Variants in PTPRD observed in about 807,000 individuals in gnomAD.
The protein encoded by PTPRD is protein tyrosine phosphatase receptor type D.
In PTPRD, 34 loss-of-function variants were observed where a neutral mutation model predicts 214.5. That is an observed-to-expected ratio of 0.16 (90% CI 0.12 to 0.21). PTPRD has a LOEUF of 0.21. PTPRD is among the 10% of genes least tolerant of loss of function. The pLI, the probability that PTPRD is intolerant of heterozygous loss-of-function variation, is 1.00. For missense variants in PTPRD, 2,545 were observed against 2,398.7 expected (o/e 1.06, Z -1.27); for synonymous variants, 1,128 against 845.7 (o/e 1.33, Z -5.79).
At chr9:9,024,454 A>G (rs950450229) in intron 10 of PTPRD, among the ~76,000 whole-genome samples, 1 of 150,034 alleles carries the variant, frequency 6.7e-6, no homozygotes. Flanking sequence ...TGCTGGATGC[A>G]GTCAAGCTTG....
chr9:9,776,719 T>G (rs1368961475), intron 5 of PTPRD, among the ~76,000 whole-genome samples: 10 of 152,206 alleles, frequency 6.6e-5, no homozygotes. Context: ...AACTTTTCCT[T>G]TACTTTAAAA....
chr9:10,064,147 A>T (rs1430149858), intron 3 of PTPRD, among the ~76,000 whole-genome samples: 1 of 150,500 alleles, frequency 6.6e-6, no homozygotes, highest in Admixed American at 6.6e-5. Context: ...TTTCTGTCTT[A>T]TCTTTACCAG....
intron 9 of PTPRD, among the ~76,000 whole-genome samples, chr9:9,210,635 G>T (rs2099947914): frequency 6.6e-6 from 1 of 151,902 alleles, no homozygotes; most frequent in African/African-American, 2.4e-5. Context: ...TATTTTAATG[G>T]ACTTGGATTA....
chr9:10,252,982 A>T (rs2092923744), intron 3 of PTPRD, among the ~76,000 whole-genome samples: 1 of 152,000 alleles, frequency 6.6e-6, no homozygotes, highest in Non-Finnish European at 1.5e-5. Flanking sequence ...TGAGGTTTCA[A>T]CATATTGGCC....
intron 2 of PTPRD, among the ~76,000 whole-genome samples, chr9:10,458,021 G>A (rs1360939256): frequency 6.6e-6 from 1 of 151,838 alleles, no homozygotes; most frequent in Non-Finnish European, 1.5e-5. Flanking sequence ...TAGAAAGCCT[G>A]AACAGACCAA....
chr9:8,807,921 G>A (rs1325328145), intron 11 of PTPRD, among the ~76,000 whole-genome samples: 3 of 152,106 alleles, frequency 2.0e-5, no homozygotes, highest in Non-Finnish European at 1.5e-5. Context: ...TCCACTGAAT[G>A]CACTAATTCA....
At chr9:9,165,571 G>T (rs2099901546) in intron 10 of PTPRD, among the ~76,000 whole-genome samples, 1 of 152,164 alleles carries the variant, frequency 6.6e-6, no homozygotes, top group Admixed American at 6.5e-5. Flanking sequence ...CAGCTCTAAA[G>T]GGTCTGTACA....
intron 45 of PTPRD, 139 bp from the exon 46 acceptor site, chr9:8,318,081 C>A: frequency 1.3e-4 from 83 of 663,382 alleles, no homozygotes; most frequent in Middle Eastern, 8.8e-4. Context: ...TGGTCTAATC[C>A]AATGACCAAT....
At chr9:9,617,844 G>A (rs371920833) in intron 7 of PTPRD, among the ~76,000 whole-genome samples, 4 of 151,594 alleles carry the variant, frequency 2.6e-5, no homozygotes, top group Admixed American at 2.0e-4. Flanking sequence ...AGGCAGAGGC[G>A]GGCAGATCAC....
rs536022300 is a variant in PTPRD, at chr9:10,263,221, A to G, written c.-545+77742T>C. Among the ~76,000 whole-genome samples, 11 of 152,338 alleles carry G rather than the reference A, an allele frequency of 7.2e-5. No homozygotes were observed. In the South Asian group the frequency reaches 2.3e-3, roughly 32 times the overall value. ...TACCAGTAGAATAGGGTGTTGCTGT[A>G]AAGTTACCTGAAAATGTGGAACTGA... On this transcript the variant is annotated intron_variant, in intron 3 of 45. Coordinates refer to ENST00000381196, the MANE Select transcript of PTPRD (RefSeq NM_002839.4).
At chr9:8,480,393 G>A (rs1382985060) in intron 30 of PTPRD, among the ~76,000 whole-genome samples, 2 of 152,102 alleles carry the variant, frequency 1.3e-5, no homozygotes, top group African/African-American at 4.8e-5. Context: ...TAGGAGCCTC[G>A]TCTACAGCCT....
At chr9:10,125,198 T>C (rs1281074934) in intron 3 of PTPRD, among the ~76,000 whole-genome samples, 2 of 151,656 alleles carry the variant, frequency 1.3e-5, no homozygotes, top group African/African-American at 4.8e-5. Context: ...CAAGACAATA[T>C]AATCAATTAC....
chr9:10,025,058 CT>C (rs1363057869), intron 4 of PTPRD, among the ~76,000 whole-genome samples: 1 of 151,800 alleles, frequency 6.6e-6, no homozygotes, highest in African/African-American at 2.4e-5. Flanking sequence ...GGTTCCAAGT[CT>C]TTGCTATTGT....
intron 14 of PTPRD, among the ~76,000 whole-genome samples, chr9:8,542,784 G>C (rs190790332): frequency 1.3e-5 from 2 of 152,338 alleles, no homozygotes; most frequent in East Asian, 3.9e-4. Context: ...GGCAAGAAAT[G>C]TCTGCTTCAG....
At chr9:8,661,275 G>A (rs1302831025) in intron 12 of PTPRD, among the ~76,000 whole-genome samples, 1 of 151,992 alleles carries the variant, frequency 6.6e-6, no homozygotes, top group Non-Finnish European at 1.5e-5. Flanking sequence ...CTTCATCATG[G>A]TCAATACACA....
chr9:9,023,670 C>T (rs914456812), intron 10 of PTPRD, among the ~76,000 whole-genome samples: 4 of 151,866 alleles, frequency 2.6e-5, no homozygotes, highest in Non-Finnish European at 4.4e-5. Flanking sequence ...CTCCCTCCCC[C>T]GTCTAATAAT....
chr9:10,256,745 C>T (rs1394946294), intron 3 of PTPRD, among the ~76,000 whole-genome samples: 1 of 152,172 alleles, frequency 6.6e-6, no homozygotes, highest in Non-Finnish European at 1.5e-5. Flanking sequence ...CTACCTGCTT[C>T]TCTAGGCTCA....
chr9:9,378,114 G>T (rs955549792), intron 9 of PTPRD, among the ~76,000 whole-genome samples: 3 of 151,852 alleles, frequency 2.0e-5, no homozygotes, highest in Non-Finnish European at 2.9e-5. Context: ...ATTAGGGTTC[G>T]CTCTTGGTGT....
intron 10 of PTPRD, among the ~76,000 whole-genome samples, chr9:9,112,181 G>A (rs1355970633): frequency 1.3e-5 from 2 of 152,148 alleles, no homozygotes; most frequent in African/African-American, 4.8e-5. Flanking sequence ...CATGAAAAAT[G>A]GAAACACTGG....
Sources: gnomAD v4.1 joint callset for allele counts (sites outside exome capture counted in the v4.1 genomes callset) on GRCh38, gnomAD v4.1.1 for gene constraint, MANE v1.5 for transcripts, NCBI Gene and HGNC (gene_info 2026-07-23, HGNC 2026-07-21) for gene names.